ZBED4: variants seen among roughly 807,000 people sequenced by gnomAD.
The protein encoded by ZBED4 is zinc finger BED domain-containing protein 4.
A neutral mutation model predicts 15.5 loss-of-function variants in ZBED4; 4 were observed. The ratio of observed to expected loss-of-function variants is 0.26; its 90% CI spans 0.13 to 0.59. The LOEUF (loss-of-function observed/expected upper bound fraction) is 0.59, where lower values mean the gene tolerates loss of function less well. ZBED4 is among the 20% of genes least tolerant of loss of function. The probability of loss-of-function intolerance (pLI) is 0.90; values close to 1 mark genes in which losing one functional copy is unlikely to be tolerated. For synonymous variants in ZBED4, 692 were observed against 608.5 expected (o/e 1.14, Z -2.02); for missense variants, 1,323 against 1,461.8 (o/e 0.91, Z 1.55).
intron 1 of ZBED4, among the ~76,000 whole-genome samples, chr22:49,875,728 T>C (rs2060373217): frequency 6.6e-6 from 1 of 152,160 alleles, no homozygotes. Flanking sequence ...GCTTGTCCAT[T>C]TCATCTGAGT....
At chr22:49,854,862 A>C (rs1216706268) in intron 1 of ZBED4, among the ~76,000 whole-genome samples, 1 of 152,258 alleles carries the variant, frequency 6.6e-6, no homozygotes, top group African/African-American at 2.4e-5. Flanking sequence ...TTAGAAATCC[A>C]TTCAGACCTC....
chr22:49,884,275 C>T lies in ZBED4; in HGVS notation c.613C>T (p.Pro205Ser), dbSNP rs1479877568. Residue 205 changes from proline to serine, a missense_variant, in exon 2 of 2, where the codon CCC becomes TCC. By Grantham distance (74) the Pro-to-Ser change is moderately conservative. Around this residue, in one of 6 missense-constraint regions of ZBED4, gnomAD observed 380 missense variants for 413.7 expected, o/e 0.92. Coordinates refer to ENST00000216268, the MANE Select transcript of ZBED4 (RefSeq NM_014838.3). The stretch of plus-strand genomic sequence containing the variant: ...GGGTGACCTCAGCACCATCCTCTCA[C>T]CCATCAAACTTGTCCAGAAAGTGGC... The part of the protein sequence containing the change: ...DAGDLSTILS[P>S]IKLVQKVASK... The T allele has an allele frequency of 1.2e-6, 2 of 1,611,510 alleles. No individual in the cohort carries two copies. Among genetic ancestry groups the T allele is most frequent in the Admixed American group, 1.7e-5 (1 of 59,792 alleles).
rs2087204838 is a variant in ZBED4, at chr22:49,853,879, G to C, written c.-440G>C. ...GCGGCGTCGCGGGCGGCGGGCGGCGGGGCCGCGGGAGGGGCGCGGGGGCAG... is the reference window on the plus strand; with the variant it reads ...GCGGCGTCGCGGGCGGCGGGCGGCGCGGCCGCGGGAGGGGCGCGGGGGCAG... On this transcript the variant is annotated 5_prime_UTR_variant, in exon 1 of 2. Coordinates refer to ENST00000216268, the MANE Select transcript of ZBED4 (RefSeq NM_014838.3). The C allele has an allele frequency of 6.9e-6, 1 of 145,052 alleles. No individual in the cohort carries two copies. The highest frequency in any genetic ancestry group is 6.8e-5 in the Admixed American group (1 of 14,658). 9.0% of individuals were successfully genotyped at this position (145,052 alleles called of 1,614,324 possible).
chr22:49,879,972 G>T (rs2060400087), intron 1 of ZBED4, among the ~76,000 whole-genome samples: 1 of 150,870 alleles, frequency 6.6e-6, no homozygotes, highest in Non-Finnish European at 1.5e-5. Flanking sequence ...GGTCAGAGGT[G>T]GTTTTCTCCC....
intron 1 of ZBED4, among the ~76,000 whole-genome samples, chr22:49,862,920 T>C (rs538384489): frequency 6.6e-6 from 1 of 152,194 alleles, no homozygotes; most frequent in African/African-American, 2.4e-5. Flanking sequence ...CAGGCTGGTC[T>C]CGAACTCCTG....
intron 1 of ZBED4, 116 bp downstream of exon 1, chr22:49,854,105 G>A (rs1256265080): frequency 6.9e-6 from 1 of 145,222 alleles, no homozygotes; most frequent in Non-Finnish European, 1.5e-5. Flanking sequence ...CCAGGGCCGG[G>A]GCCAGGCGGG....
At chr22:49,864,970 G>A (rs552863537) in intron 1 of ZBED4, among the ~76,000 whole-genome samples, 20 of 96,862 alleles carry the variant, frequency 2.1e-4, no homozygotes, top group South Asian at 1.2e-3. Context: ...CAGAAACCAC[G>A]GAGTCCAGCT....
chr22:49,873,893 G>A (rs914706482), intron 1 of ZBED4, among the ~76,000 whole-genome samples: 1 of 152,228 alleles, frequency 6.6e-6, no homozygotes, highest in African/African-American at 2.4e-5. Context: ...ATCCTGGAAT[G>A]AGAACATAAG....
At chr22:49,875,934 G>A (rs1714268209) in intron 1 of ZBED4, among the ~76,000 whole-genome samples, 1 of 98,314 alleles carries the variant, frequency 1.0e-5, no homozygotes, top group African/African-American at 2.7e-5. Flanking sequence ...TGGTTTCATT[G>A]ATTTTTTTTC....
intron 1 of ZBED4, among the ~76,000 whole-genome samples, chr22:49,875,198 T>G (rs2060369771): frequency 6.6e-6 from 1 of 152,136 alleles, no homozygotes. Context: ...GGGAGGTGTT[T>G]CTTCCTTTAT....
At chr22:49,881,000 T>C (rs1046629726) in intron 1 of ZBED4, among the ~76,000 whole-genome samples, 1 of 152,258 alleles carries the variant, frequency 6.6e-6, no homozygotes, top group African/African-American at 2.4e-5. Flanking sequence ...AATTTTATCT[T>C]ATTTCATGCT....
Position 49,889,790 on chromosome 22 carries a change from C to T in ZBED4, c.*2612C>T, listed in dbSNP as rs2060458742. Reference sequence around the variant, plus strand: ...GACTCTCACTACTTGAATGAGGGGACTGTGGGTGCAACTAGAAAATATGTT... The same window carrying T: ...GACTCTCACTACTTGAATGAGGGGATTGTGGGTGCAACTAGAAAATATGTT... On this transcript the variant is annotated 3_prime_UTR_variant, in exon 2 of 2. Transcript: ENST00000216268. 6.0e-6 allele frequency: 1 copy of T among 167,116 alleles called. No homozygotes were observed. The highest frequency in any genetic ancestry group is 2.4e-5 in the African/African-American group (1 of 41,442). The allele number at this position is 167,116 out of a possible 1,614,324, so 10.4% of individuals were successfully genotyped here.
At chr22:49,864,277 G>A (rs887461390) in intron 1 of ZBED4, among the ~76,000 whole-genome samples, 3 of 152,204 alleles carry the variant, frequency 2.0e-5, no homozygotes, top group Admixed American at 6.5e-5. Context: ...TTGGAATATC[G>A]CATAATGTCT....
At chr22:49,862,537 G>A (rs1374861095) in intron 1 of ZBED4, among the ~76,000 whole-genome samples, 1 of 152,008 alleles carries the variant, frequency 6.6e-6, no homozygotes, top group Admixed American at 6.6e-5. Flanking sequence ...CTGGTGCTTG[G>A]GTCAAGAGGT....
intron 1 of ZBED4, among the ~76,000 whole-genome samples, chr22:49,874,894 G>C (rs965740974): frequency 6.6e-6 from 1 of 151,766 alleles, no homozygotes; most frequent in Admixed American, 6.6e-5. Context: ...TGTTGGCCAG[G>C]CTGGTCTTGA....
In ZBED4 at chr22:49,884,719, T is replaced by G; in HGVS notation, c.1057T>G (p.Ser353Ala). The change falls in exon 2 of 2, where the codon TCC (serine) becomes GCC (alanine). Residue 353 changes from serine to alanine, a missense_variant. Around this residue, in one of 6 missense-constraint regions of ZBED4, gnomAD observed 429 missense variants for 397.9 expected, o/e 1.08. Coordinates refer to ENST00000216268, the MANE Select transcript of ZBED4 (RefSeq NM_014838.3). The stretch of plus-strand genomic sequence containing the variant: ...GGGCACGGGCATCCCGCCACTGTAC[T>G]CCACCCCTCCCACTCTGCTGCCTTC... ...NGGTGIPPLY[S>A]TPPTLLPSLL... The G allele has an allele frequency of 6.3e-7, 1 of 1,595,128 alleles. No individual in the cohort carries two copies. Among genetic ancestry groups the G allele is most frequent in the Non-Finnish European group, 8.6e-7 (1 of 1,169,146 alleles).
Position 49,884,556 on chromosome 22 carries a change from A to G in ZBED4, c.894A>G (p.Pro298=), listed in dbSNP as rs1181829362. 2 of 1,613,500 alleles carry G rather than the reference A, an allele frequency of 1.2e-6. No homozygotes were observed. The highest frequency in any genetic ancestry group is 3.3e-5 in the Admixed American group (2 of 59,954). Residue 298 remains proline, a synonymous_variant, in exon 2 of 2, where the codon CCA becomes CCG. Transcript: ENST00000216268. The stretch of plus-strand genomic sequence containing the variant: ...TCTGGAAGCACTTCTACCTGTCGCC[A>G]CTGGACAACTCCAAAGCTGTCTGCA... ...SAVWKHFYLS[P]LDNSKAVCIH...
rs757524342 is a variant in ZBED4, at chr22:49,884,226, G to A, written c.564G>A (p.Leu188=). The change falls in exon 2 of 2, where the codon CTG becomes CTA. Residue 188 remains leucine, a synonymous_variant. Transcript: ENST00000216268. The part of the protein sequence containing the change: ...AVSSFPSPSL[L]LPPQPADAGD... ...CCTCGTTCCCCTCTCCCTCACTCCT[G>A]CTTCCACCACAGCCTGCGGACGCGG... The A allele has an allele frequency of 1.9e-6, 3 of 1,602,560 alleles. No homozygotes were observed. The highest frequency in any genetic ancestry group is 2.7e-5 in the African/African-American group (2 of 74,642).
At chr22:49,868,888 G>T (rs1279724717) in intron 1 of ZBED4, among the ~76,000 whole-genome samples, 1 of 151,098 alleles carries the variant, frequency 6.6e-6, no homozygotes, top group Non-Finnish European at 1.5e-5. Flanking sequence ...AAGGCAGGCG[G>T]ATCACCTGAG....
Sources: gnomAD v4.1 joint callset for allele counts (sites outside exome capture counted in the v4.1 genomes callset) on GRCh38, gnomAD v4.1.1 for gene constraint, gnomAD v4.1.1 regional missense constraint, MANE v1.5 for transcripts, NCBI Gene and HGNC (gene_info 2026-07-23, HGNC 2026-07-21) for gene names.